HAL: variants seen among roughly 807,000 people sequenced by gnomAD.
HAL encodes the protein histidine ammonia-lyase, also known as histidase.
Under a neutral mutation model 81.1 loss-of-function variants are expected in HAL, and 85 were observed. That is an observed-to-expected ratio of 1.05 (90% CI 0.88 to 1.25). The LOEUF (loss-of-function observed/expected upper bound fraction) is 1.25, where lower values mean the gene tolerates loss of function less well. Ranked by LOEUF, HAL falls within the 50% of genes most tolerant of loss-of-function variation. The probability of loss-of-function intolerance (pLI) is 0.00; values close to 1 mark genes in which losing one functional copy is unlikely to be tolerated. For synonymous variants in HAL, 301 were observed against 309.2 expected, an observed-to-expected ratio of 0.97 and a Z score of 0.28; for missense variants, 798 against 836.6, an observed-to-expected ratio of 0.95 and a Z score of 0.57.
Position 95,993,840 on chromosome 12 carries a change from T to C in HAL, c.485-2A>G. 2 of 1,551,284 alleles carry C rather than the reference T, an allele frequency of 1.3e-6. No homozygotes were observed. The highest frequency in any genetic ancestry group is 1.8e-6 in the Non-Finnish European group (2 of 1,122,840). On this transcript the variant is annotated splice_acceptor_variant, in intron 6 of 20. Coordinates refer to ENST00000261208, the MANE Select transcript of HAL (RefSeq NM_002108.4). LOFTEE classifies it high-confidence loss of function. ...AACCTGTAGTAATACCGTAAACAACTAGAATAAAAAGAGACATTATGCAAT... is the reference window on the plus strand; with the variant it reads ...AACCTGTAGTAATACCGTAAACAACCAGAATAAAAAGAGACATTATGCAAT...
In HAL at chr12:95,990,384, G is replaced by C. The variant is rs35144639; in HGVS notation, c.855+9C>G. On this transcript the variant is annotated intron_variant, in intron 10 of 20. Transcript: ENST00000261208. ...AATTGCTGCAGATAGAAGCTGCTAC[G>C]AGTCTTACGTATTTAGCATCAGCCC... 3 of 1,610,360 alleles carry C rather than the reference G, an allele frequency of 1.9e-6. No homozygotes were observed. The East Asian group carries it at 6.7e-5, about 36-fold the overall frequency.
chr12:95,976,377 T>C (rs1054424167), intron 20 of HAL, 52 bp downstream of exon 20: 7 of 1,393,760 alleles, frequency 5.0e-6, no homozygotes, highest in Non-Finnish European at 7.2e-6. Flanking sequence ...TCCCCGACTT[T>C]GCTTTCCTGT....
chr12:95,978,990 T>C (rs2080759533), intron 17 of HAL, among the ~76,000 whole-genome samples: 1 of 152,194 alleles, frequency 6.6e-6, no homozygotes, highest in Non-Finnish European at 1.5e-5. Flanking sequence ...TTCAGCACTG[T>C]AAGTCCCAAG....
At chr12:95,990,267 TA>T in intron 10 of HAL, 125 bp downstream of exon 10, 1 of 814,998 alleles carries the variant, frequency 1.2e-6, no homozygotes, top group Non-Finnish European at 2.2e-6. Context: ...GTCTCATCTG[TA>T]AAGTAAGGAT....
At position 95,993,477 on chromosome 12, in the gene HAL, A is replaced by AC; in HGVS notation, c.562dup (p.Val188GlyfsTer18). The AC allele has an allele frequency of 6.2e-7, 1 of 1,603,096 alleles. No individual in the cohort carries two copies. The highest frequency in any genetic ancestry group is 8.5e-7 in the Non-Finnish European group (1 of 1,169,880). ...TGAAGAATGTGAGCGTACTAAGTTG[A>AC]CCTGAAGCTCCCTGCAACAGAAAGG... On this transcript the variant is annotated frameshift_variant, in exon 8 of 21. Coordinates refer to ENST00000261208, the MANE Select transcript of HAL (RefSeq NM_002108.4). LOFTEE classifies it high-confidence loss of function.
chr12:95,988,340 T>A (rs767018973), intron 10 of HAL, 100 bp from the exon 11 acceptor site: 22 of 752,286 alleles, frequency 2.9e-5, no homozygotes, highest in Non-Finnish European at 5.0e-5. Flanking sequence ...TGCCCAAAAG[T>A]CCATCTTATA....
chr12:95,991,791 AG>A (rs149648239), intron 9 of HAL, among the ~76,000 whole-genome samples: 11,766 of 152,278 alleles, frequency 0.077, 607 homozygotes, highest in Non-Finnish European at 0.12. Context: ...AGGGCTATAT[AG>A]TATGGCAGAC....
rs561343396 is a variant in HAL, at chr12:95,995,885, C to T, written c.26G>A (p.Arg9His). 3.1e-6 allele frequency: 5 copies of T among 1,606,080 alleles called. No homozygotes were observed. The highest frequency in any genetic ancestry group is 2.7e-5 in the African/African-American group (2 of 75,072). Residue 9 changes from arginine (R) to histidine (H), a missense_variant, in exon 2 of 21, where the codon CGT becomes CAT. Transcript: ENST00000261208. ...GCAGGGCACTGCCAGCCATTCCCCACGTACGTGCACCGTGTATCTGGGCAT... is the reference window on the plus strand; with the variant it reads ...GCAGGGCACTGCCAGCCATTCCCCATGTACGTGCACCGTGTATCTGGGCAT... MPRYTVHV[R>H]GEWLAVPCQD...
intron 17 of HAL, among the ~76,000 whole-genome samples, chr12:95,980,103 A>T (rs897381073): frequency 5.9e-5 from 9 of 152,124 alleles, no homozygotes; most frequent in African/African-American, 2.2e-4. Context: ...TAACATCTTT[A>T]TGTTTTTAGT....
chr12:95,977,763 C>T (rs1449691556), intron 18 of HAL, among the ~76,000 whole-genome samples, 181 bp downstream of exon 18: 2 of 151,926 alleles, frequency 1.3e-5, no homozygotes, highest in Non-Finnish European at 2.9e-5. Flanking sequence ...TCGTTAAACA[C>T]AGATTGCTCC....
rs946502443 is a variant in HAL, at chr12:95,984,659, T to C, written c.1207-668A>G. Among the ~76,000 whole-genome samples, 5 of 152,288 alleles carry C rather than the reference T, an allele frequency of 3.3e-5. No individual in the cohort carries two copies. The Middle Eastern group carries it at 0.01, about 311-fold the overall frequency. ...TTAATTCTGTGCCTCAGTTTCCCCA[T>C]TGCAAAATGGGAGAAAGAGTATCTT... On this transcript the variant is annotated intron_variant, in intron 14 of 20. Coordinates refer to ENST00000261208, the MANE Select transcript of HAL (RefSeq NM_002108.4).
rs772750369 is a variant in HAL, at chr12:95,980,797, C to T, written c.1353+1G>A. On this transcript the variant is annotated splice_donor_variant, in intron 16 of 20. Coordinates refer to ENST00000261208, the MANE Select transcript of HAL (RefSeq NM_002108.4). LOFTEE classifies it high-confidence loss of function. Reference sequence around the variant, plus strand: ...GTCAGGAGCAGTTTTAAAAAGCTTACTTTGGCTGGGTATTCACCATGGAAG... The same window carrying T: ...GTCAGGAGCAGTTTTAAAAAGCTTATTTTGGCTGGGTATTCACCATGGAAG... The T allele has an allele frequency of 5.6e-6, 9 of 1,596,304 alleles. No homozygotes were observed. Among genetic ancestry groups the T allele is most frequent in the Non-Finnish European group, 7.7e-6 (9 of 1,164,076 alleles).
intron 12 of HAL, among the ~76,000 whole-genome samples, chr12:95,986,568 C>A (rs1949891368): frequency 6.6e-6 from 1 of 152,202 alleles, no homozygotes; most frequent in South Asian, 2.1e-4. Context: ...CTTAAAGGAA[C>A]AGGGCGAATA....
chr12:95,990,748 G>A (rs1949959560), intron 9 of HAL, among the ~76,000 whole-genome samples: 1 of 152,146 alleles, frequency 6.6e-6, no homozygotes, highest in South Asian at 2.1e-4. Flanking sequence ...AGTGGGGGTG[G>A]AGAGGAAGAA....
At position 95,978,023 on chromosome 12, in the gene HAL, G is replaced by C; in HGVS notation, c.1575C>G (p.Ser525Arg). ...HPSSVDSLST[S>R]AATEDHVSMG... ...TGGAGACGTGGTCCTCCGTGGCTGCGCTGGTGGAGAGGGAGTCAACAGACG... is the reference window on the plus strand; with the variant it reads ...TGGAGACGTGGTCCTCCGTGGCTGCCCTGGTGGAGAGGGAGTCAACAGACG... Residue 525 changes from serine (S) to arginine (R), a missense_variant, in exon 18 of 21, where the codon AGC (serine) becomes AGG (arginine). Transcript: ENST00000261208. 2.5e-6 allele frequency: 4 copies of C among 1,613,092 alleles called. No individual in the cohort carries two copies. The highest frequency in any genetic ancestry group is 1.1e-5 in the South Asian group (1 of 91,068).
At chr12:95,987,023 C>T in intron 12 of HAL, 44 bp downstream of exon 12, 3 of 1,561,032 alleles carry the variant, frequency 1.9e-6, no homozygotes, top group Non-Finnish European at 2.6e-6. Context: ...GCCCCACCAC[C>T]TCTGGTTGAA....
chr12:95,987,615 T>A (rs965322801), intron 11 of HAL, among the ~76,000 whole-genome samples: 1 of 152,196 alleles, frequency 6.6e-6, no homozygotes, highest in Non-Finnish European at 1.5e-5. Flanking sequence ...TCTAAGGAAT[T>A]TGGGCTGAGA....
chr12:95,988,316 A>G, intron 10 of HAL, 76 bp from the exon 11 acceptor site: 2 of 809,468 alleles, frequency 2.5e-6, no homozygotes, highest in Non-Finnish European at 4.3e-6. Flanking sequence ...ATGGAATCCA[A>G]TAATAGCTCT....
In HAL at chr12:95,982,504, T is replaced by C. The variant is rs138800888; in HGVS notation, c.1287+1407A>G. Among the ~76,000 whole-genome samples, 460 of 152,344 alleles carry C rather than the reference T, an allele frequency of 3.0e-3. 1 individual carries two copies. The highest frequency in any genetic ancestry group is 0.01 in the African/African-American group (435 of 41,568). On this transcript the variant is annotated intron_variant, in intron 15 of 20. Transcript: ENST00000261208. ...TACCTCTTCCCTACAGTGAAAAGAC[T>C]GGTACGTGAGATAAGACTACATAGA...
Sources: allele counts gnomAD v4.1 joint callset (sites outside exome capture counted in the v4.1 genomes callset), GRCh38; gene constraint gnomAD v4.1.1; transcripts MANE v1.5; gene names NCBI Gene and HGNC (gene_info 2026-07-23, HGNC 2026-07-21).